The following SNAP91 variants were observed in gnomAD, a reference collection of about 807,000 sequenced individuals.
SNAP91 encodes the protein clathrin coat assembly protein AP180.
In SNAP91, 27 loss-of-function variants were observed where a neutral mutation model predicts 100.3. The observed-to-expected ratio is 0.27, with a 90% CI of 0.20 to 0.37. The LOEUF (loss-of-function observed/expected upper bound fraction) is 0.37, where lower values mean the gene tolerates loss of function less well. Among genes scored for constraint, SNAP91 ranks in the 10% least tolerant of loss-of-function variants. The pLI, the probability that SNAP91 is intolerant of heterozygous loss-of-function variation, is 1.00. For missense variants in SNAP91, 986 were observed against 1,123.7 expected, an observed-to-expected ratio of 0.88 and a Z score of 1.75; for synonymous variants, 404 against 398.6, an observed-to-expected ratio of 1.01 and a Z score of -0.16.
rs945784158 is a variant in SNAP91, at chr6:83,623,292, G to C, written c.807+9C>G. On this transcript the variant is annotated intron_variant, in intron 9 of 29. Coordinates refer to ENST00000369694, the MANE Select transcript of SNAP91 (RefSeq NM_001242792.2). ...GCATACTGAATCTTCCACTGGGAGA[G>C]TTGCTTACCTGTGTGAGGTCAGGAA... is the stretch of plus-strand genomic sequence containing the variant. 14 of 1,602,274 alleles carry C rather than the reference G, an allele frequency of 8.7e-6. No homozygotes were observed. The highest frequency in any genetic ancestry group is 1.3e-5 in the African/African-American group (1 of 74,686).
rs151184992 is a variant in SNAP91 at position 83,577,244 on chromosome 6, G to A, written c.2300-1191C>T. 4.2e-3 allele frequency among the ~76,000 whole-genome samples: 632 copies of A among 152,248 alleles called. 6 individuals are homozygous for A. The highest frequency in any genetic ancestry group is 0.015 in the African/African-American group (607 of 41,548). On this transcript the variant is annotated intron_variant, in intron 24 of 29. Coordinates refer to ENST00000369694, the MANE Select transcript of SNAP91 (RefSeq NM_001242792.2). ...AATCAGGTGCATAATCAATGTATTAGAGGATGAAGTTAATATTTATTTCTT... is the reference window on the plus strand; with the variant it reads ...AATCAGGTGCATAATCAATGTATTAAAGGATGAAGTTAATATTTATTTCTT...
rs2098454372 is a variant in SNAP91 at position 83,658,218 on chromosome 6, A to G, written c.546+781T>C. On this transcript the variant is annotated intron_variant, in intron 6 of 29. Transcript: ENST00000369694. Reference sequence around the variant, plus strand: ...TAACATCCTATAAAACTATAGTACAATATCACAACCAGGATATTGACAATG... The same window carrying G: ...TAACATCCTATAAAACTATAGTACAGTATCACAACCAGGATATTGACAATG... 3.9e-5 allele frequency among the ~76,000 whole-genome samples: 6 copies of G among 152,174 alleles called. 1 individual carries two copies. The South Asian group carries it at 1.2e-3, about 32-fold the overall frequency.
intron 23 of SNAP91, among the ~76,000 whole-genome samples, chr6:83,581,484 C>T (rs1305972704): frequency 6.6e-6 from 1 of 152,104 alleles, no homozygotes; most frequent in Non-Finnish European, 1.5e-5. Context: ...TAAGATGTTG[C>T]TAATATGTTA....
chr6:83,679,043 C>A, intron 2 of SNAP91: 1 of 293,614 alleles, frequency 3.4e-6, no homozygotes, highest in Non-Finnish European at 6.2e-6. Flanking sequence ...AAGAAAACCA[C>A]CACACACACA....
intron 2 of SNAP91, among the ~76,000 whole-genome samples, chr6:83,689,920 G>C (rs545877898): frequency 1.8e-4 from 27 of 151,774 alleles, no homozygotes; most frequent in Admixed American, 5.9e-4. Context: ...TTCATCTTAA[G>C]TATATTACTA....
chr6:83,675,308 T>G (rs956788395), intron 2 of SNAP91, among the ~76,000 whole-genome samples: 6 of 152,218 alleles, frequency 3.9e-5, no homozygotes, highest in Non-Finnish European at 7.3e-5. Flanking sequence ...TAAAATACAT[T>G]ATTTACTTTA....
chr6:83,571,265 C>T (rs1807126847), intron 26 of SNAP91, among the ~76,000 whole-genome samples: 1 of 152,134 alleles, frequency 6.6e-6, no homozygotes, highest in Admixed American at 6.5e-5. Flanking sequence ...CCACCATGAG[C>T]AGCTAATTTT....
chr6:83,628,554 A>G (rs1368746089), intron 8 of SNAP91, among the ~76,000 whole-genome samples: 2 of 150,992 alleles, frequency 1.3e-5, no homozygotes, highest in African/African-American at 4.9e-5. Flanking sequence ...TTTTTTGATT[A>G]TGGCCATTCT....
In SNAP91 at chr6:83,649,113, T is replaced by A. The variant is rs1477728079; in HGVS notation, c.658+7641A>T. On this transcript the variant is annotated intron_variant, in intron 7 of 29. Transcript: ENST00000369694. ...GCCTGCTGTGAGGCATATTATTTAC[T>A]ACTGAATAACAAATTACTCCAAAAT... is the stretch of plus-strand genomic sequence containing the variant. Among the ~76,000 whole-genome samples, 3 of 152,358 alleles carry A rather than the reference T, an allele frequency of 2.0e-5. No individual in the cohort carries two copies. The East Asian group carries it at 5.8e-4, about 29-fold the overall frequency.
intron 26 of SNAP91, among the ~76,000 whole-genome samples, chr6:83,564,152 CAT>C (rs1792890561): frequency 6.6e-6 from 1 of 151,996 alleles, no homozygotes; most frequent in African/African-American, 2.4e-5. Context: ...TAAAGACAGA[CAT>C]ATAGATCAAC....
At chr6:83,619,965 A>T (rs149368677) in intron 9 of SNAP91, among the ~76,000 whole-genome samples, 150 of 152,210 alleles carry the variant, frequency 9.9e-4, no homozygotes, top group African/African-American at 3.4e-3. Flanking sequence ...GCTGAGGAGA[A>T]ATATTTCAGT....
intron 8 of SNAP91, among the ~76,000 whole-genome samples, chr6:83,626,864 A>G (rs2096952841): frequency 6.6e-6 from 1 of 151,762 alleles, no homozygotes; most frequent in South Asian, 2.1e-4. Flanking sequence ...CTCTATCCTG[A>G]CTGCTCTGTA....
At chr6:83,616,009 A>G (rs1004296145) in intron 10 of SNAP91, among the ~76,000 whole-genome samples, 1 of 152,224 alleles carries the variant, frequency 6.6e-6, no homozygotes, top group African/African-American at 2.4e-5. Context: ...ACAGATTCCA[A>G]GCTCTCCCTG....
At chr6:83,560,307 A>C (rs1159657097) in intron 27 of SNAP91, 99 bp from the exon 28 acceptor site, 1 of 800,624 alleles carries the variant, frequency 1.2e-6, no homozygotes, top group Non-Finnish European at 2.1e-6. Context: ...ACAATATTTG[A>C]GGAATCCAGG....
chr6:83,639,182 C>T (rs922352386), intron 8 of SNAP91, among the ~76,000 whole-genome samples: 3 of 152,150 alleles, frequency 2.0e-5, no homozygotes, highest in African/African-American at 7.2e-5. Context: ...TGAGACTCTT[C>T]AGGTAAATGT....
At chr6:83,638,004 C>T (rs909858805) in intron 8 of SNAP91, among the ~76,000 whole-genome samples, 3 of 152,160 alleles carry the variant, frequency 2.0e-5, no homozygotes, top group Admixed American at 6.5e-5. Context: ...TGTGGATATC[C>T]TCCTGTGGGA....
chr6:83,566,813 A>C (rs1797290573), intron 26 of SNAP91, among the ~76,000 whole-genome samples: 3 of 152,172 alleles, frequency 2.0e-5, no homozygotes. Flanking sequence ...AGCAGAGATC[A>C]ACAACTAACC....
intron 22 of SNAP91, among the ~76,000 whole-genome samples, chr6:83,584,898 T>G (rs1386257625): frequency 1.3e-5 from 2 of 152,166 alleles, no homozygotes; most frequent in African/African-American, 4.8e-5. Flanking sequence ...AATGCTGTAG[T>G]GGTAACCTTC....
intron 5 of SNAP91, among the ~76,000 whole-genome samples, 173 bp from the exon 6 acceptor site, chr6:83,659,265 T>C (rs1385722148): frequency 6.6e-6 from 1 of 152,140 alleles, no homozygotes; most frequent in African/African-American, 2.4e-5. Context: ...TATTATCTAT[T>C]CTTATTCCTC....
Sources: allele counts gnomAD v4.1 joint callset (sites outside exome capture counted in the v4.1 genomes callset), GRCh38; gene constraint gnomAD v4.1.1; transcripts MANE v1.5; gene names NCBI Gene and HGNC (gene_info 2026-07-23, HGNC 2026-07-21).